The following COL3A1 variants were observed in gnomAD, a reference collection of about 807,000 sequenced individuals.
COL3A1 encodes the protein collagen type III alpha 1 chain.
A neutral mutation model predicts 200.9 loss-of-function variants in COL3A1; 46 were observed. The observed-to-expected ratio is 0.23, with a 90% CI of 0.18 to 0.29. The LOEUF (loss-of-function observed/expected upper bound fraction) is 0.29. Among genes scored for constraint, COL3A1 ranks in the 10% least tolerant of loss-of-function variants. COL3A1 has a pLI of 1.00. For synonymous variants in COL3A1, 650 were observed against 628.0 expected (o/e 1.03, Z -0.52); for missense variants, 1,367 against 1,917.6 (o/e 0.71, Z 5.36).
chr2:189,007,192 TAG>T, intron 44 of COL3A1, among the ~76,000 whole-genome samples: 1 of 138,814 alleles, frequency 7.2e-6, no homozygotes, highest in African/African-American at 2.8e-5. Context: ...GATAGATAGA[TAG>T]ATAGATAGAT....
rs373191712 is a variant in COL3A1 at position 188,980,403 on chromosome 2, GAC to G, written c.80-4355_80-4354del. Among the ~76,000 whole-genome samples, 69 of 16,308 alleles carry G rather than the reference GAC, an allele frequency of 4.2e-3. 1 individual carries two copies. The highest frequency in any genetic ancestry group is 0.022 in the East Asian group (3 of 136). The allele number at this position is 16,308 out of a possible 152,430, so 10.7% of individuals were successfully genotyped here. ...ACAATTCTAAAAGATTAATCTTTTA[GAC>G]AATTCTAAAAGATTAATCTTTTAGA... On this transcript the variant is annotated intron_variant, in intron 1 of 50. Transcript: ENST00000304636.
chr2:188,997,847 G>T, intron 27 of COL3A1, 94 bp downstream of exon 27: 1 of 1,136,102 alleles, frequency 8.8e-7, no homozygotes, highest in Non-Finnish European at 1.3e-6. Context: ...CTTAACTTGT[G>T]ATTCTGTCTT....
chr2:189,007,606 C>A lies in COL3A1; in HGVS notation c.3362C>A (p.Pro1121Gln). The A allele has an allele frequency of 6.2e-7, 1 of 1,609,024 alleles. No individual in the cohort carries two copies. The highest frequency in any genetic ancestry group is 8.5e-7 in the Non-Finnish European group (1 of 1,176,826). Residue 1121 changes from proline to glutamine, a missense_variant and splice_region_variant, in exon 45 of 51, where the codon CCA becomes CAA. By Grantham distance (76) the Pro-to-Gln change is moderately conservative. This residue lies in a region of COL3A1 where 846 missense variants were observed against 1,147.9 expected (regional missense o/e 0.74). Coordinates refer to ENST00000304636, the MANE Select transcript of COL3A1 (RefSeq NM_000090.4). Reference sequence around the variant, plus strand: ...GGTAATCCAGGTGCCCCAGGTTCTCCAGTAAGTGCATTCATTTTGTTGGAA... The same window carrying A: ...GGTAATCCAGGTGCCCCAGGTTCTCAAGTAAGTGCATTCATTTTGTTGGAA... ...FPGNPGAPGS[P>Q]GPAGQQGAIG...
In COL3A1 at chr2:189,010,237, A is replaced by T. The variant is rs779197532; in HGVS notation, c.3883A>T (p.Asn1295Tyr). The T allele has an allele frequency of 1.2e-6, 2 of 1,614,046 alleles. No individual in the cohort carries two copies. Among genetic ancestry groups the T allele is most frequent in the Middle Eastern group, 1.6e-4 (1 of 6,084 alleles). Residue 1295 changes from asparagine to tyrosine, a missense_variant, in exon 49 of 51, where the codon AAT becomes TAT. Coordinates refer to ENST00000304636, the MANE Select transcript of COL3A1 (RefSeq NM_000090.4). The stretch of plus-strand genomic sequence containing the variant: ...ATTGGATGCTATCAAGGTATTCTGT[A>T]ATATGGAAACTGGGGAAACATGCAT... The part of the protein sequence containing the change: ...CKLDAIKVFC[N>Y]METGETCISA...
intron 5 of COL3A1, 137 bp from the exon 6 acceptor site, chr2:188,987,944 A>G: frequency 2.8e-6 from 2 of 709,774 alleles, no homozygotes; most frequent in Admixed American, 2.1e-5. Flanking sequence ...GATCTCATGA[A>G]TAGTTATCAA....
chr2:188,978,531 T>C (rs2153500615), intron 1 of COL3A1, among the ~76,000 whole-genome samples: 1 of 152,120 alleles, frequency 6.6e-6, no homozygotes, highest in African/African-American at 2.4e-5. Context: ...GTAGCCCAGC[T>C]CTTTAATTTT....
intron 1 of COL3A1, among the ~76,000 whole-genome samples, chr2:188,980,353 GAATTCTAAAAGATTAATCTTTTAGAC>G (rs1553506421): frequency 0.079 from 9,580 of 121,128 alleles, 369 homozygotes; most frequent in African/African-American, 0.1. Flanking sequence ...TAAGGAGATT[GAATTCTAAAAGATTAATCTTTTAGAC>G]AATTCTAAAA....
In COL3A1 at chr2:188,984,971, A is replaced by G. The variant is rs2153501381; in HGVS notation, c.282+9A>G. On this transcript the variant is annotated intron_variant, in intron 2 of 50. Coordinates refer to ENST00000304636, the MANE Select transcript of COL3A1 (RefSeq NM_000090.4). ...CACAGCCTCCAACTGCTGTGAGTTT[A>G]AAGATAAACTGTACATCTTCAATAT... The G allele has an allele frequency of 6.2e-7, 1 of 1,610,882 alleles. No individual in the cohort carries two copies. Among genetic ancestry groups the G allele is most frequent in the East Asian group, 2.2e-5 (1 of 44,828 alleles).
At chr2:189,003,600 A>G in intron 37 of COL3A1, 134 bp from the exon 38 acceptor site, 1 of 1,338,136 alleles carries the variant, frequency 7.5e-7, no homozygotes, top group Non-Finnish European at 1.1e-6. Flanking sequence ...AGTTATATGT[A>G]AATTCCAAGG....
chr2:189,005,737 G>T, intron 41 of COL3A1: 1 of 357,102 alleles, frequency 2.8e-6, no homozygotes, highest in Non-Finnish European at 5.1e-6. Flanking sequence ...TGTTTTCTGA[G>T]TGAAAATATT....
rs1688177791 is a variant in COL3A1 at position 188,991,026 on chromosome 2, A to G, written c.821A>G (p.Glu274Gly). Residue 274 changes from glutamate (E) to glycine (G), a missense_variant, in exon 11 of 51, where the codon GAA becomes GGA. Physicochemically the swap from Glu to Gly is moderately conservative, Grantham distance 98. This residue lies in a region of COL3A1 where 462 missense variants were observed against 681.4 expected (regional missense o/e 0.68). Coordinates refer to ENST00000304636, the MANE Select transcript of COL3A1 (RefSeq NM_000090.4). Reference protein sequence around the residue: ...GHRGFDGRNGEKGETGAPGLK... With the variant: ...GHRGFDGRNGGKGETGAPGLK... ...TAGGGCTTCGATGGACGAAATGGAG[A>G]AAAGGGTGAAACAGGTGCTCCTGGA... 2 of 1,613,152 alleles carry G rather than the reference A, an allele frequency of 1.2e-6. No individual in the cohort carries two copies. The highest frequency in any genetic ancestry group is 1.7e-6 in the Non-Finnish European group (2 of 1,179,408).
intron 14 of COL3A1, among the ~76,000 whole-genome samples, chr2:188,992,653 C>A (rs1228386437): frequency 2.6e-5 from 4 of 152,114 alleles, no homozygotes; most frequent in Non-Finnish European, 5.9e-5. Flanking sequence ...AAGTAGCCTG[C>A]ACTAAGTCAC....
Position 188,991,561 on chromosome 2 carries a change from G to A in COL3A1, c.897+30G>A, listed in dbSNP as rs1050140712. ...TTATGTTTCTTATGTATAATTTTCAGTTTTATTATTAACCTCATTGTTACC... is the reference window on the plus strand; with the variant it reads ...TTATGTTTCTTATGTATAATTTTCAATTTTATTATTAACCTCATTGTTACC... On this transcript the variant is annotated intron_variant, in intron 12 of 50. Coordinates refer to ENST00000304636, the MANE Select transcript of COL3A1 (RefSeq NM_000090.4). 3 of 1,610,286 alleles carry A rather than the reference G, an allele frequency of 1.9e-6. No individual in the cohort carries two copies. In the African/African-American group the frequency reaches 4.0e-5, roughly 22 times the overall value.
At chr2:189,006,822 T>C in intron 43 of COL3A1, 115 bp from the exon 44 acceptor site, 1 of 1,064,452 alleles carries the variant, frequency 9.4e-7, no homozygotes, top group Non-Finnish European at 1.4e-6. Flanking sequence ...TTCCAATAAT[T>C]GCATGCATAC....
At chr2:189,010,532 C>T (rs974000229) in intron 49 of COL3A1, 116 bp from the exon 50 acceptor site, 23 of 1,499,434 alleles carry the variant, frequency 1.5e-5, no homozygotes, top group African/African-American at 9.7e-5. Flanking sequence ...ATAAAATACT[C>T]GTACATAAAA....
chr2:188,992,548 T>C (rs1688210565), intron 14 of COL3A1, among the ~76,000 whole-genome samples: 1 of 152,028 alleles, frequency 6.6e-6, no homozygotes, highest in South Asian at 2.1e-4. Flanking sequence ...TTAGTTAATA[T>C]CCTATGTAAG....
At chr2:189,006,322 T>G in intron 42 of COL3A1, 23 bp from the exon 43 acceptor site, 1 of 1,614,180 alleles carries the variant, frequency 6.2e-7, no homozygotes, top group Non-Finnish European at 8.5e-7. Flanking sequence ...ATGTTTATTT[T>G]GTACCTATGA....
At position 188,994,684 on chromosome 2, in the gene COL3A1, G is replaced by A. The variant is rs1469495777; in HGVS notation, c.1348-40G>A. ...AGGTAAAAACTTTGAACTAAATTCA[G>A]TCATAATTTCTTTATTTTACCATCT... is the stretch of plus-strand genomic sequence containing the variant. On this transcript the variant is annotated intron_variant, in intron 19 of 50. Transcript: ENST00000304636. This position sits in a 1 kb window ranked among gnomAD's most constrained non-coding sequence, Gnocchi z 4.5. 1 of 1,610,772 alleles carries A rather than the reference G, an allele frequency of 6.2e-7. No individual in the cohort carries two copies.
At chr2:188,974,644 G>A (rs1687770270) in intron 1 of COL3A1, 76 bp downstream of exon 1, 1 of 1,154,930 alleles carries the variant, frequency 8.7e-7, no homozygotes, top group Non-Finnish European at 1.3e-6. Context: ...GTGTAAAGGG[G>A]AAAATCAGTT....
Sources: gnomAD v4.1 joint callset for allele counts (sites outside exome capture counted in the v4.1 genomes callset) on GRCh38, gnomAD v4.1.1 for gene constraint, gnomAD v4.1.1 regional missense constraint, Gnocchi (gnomAD v3.1) non-coding constraint, MANE v1.5 for transcripts, NCBI Gene and HGNC (gene_info 2026-07-23, HGNC 2026-07-21) for gene names.